The following UBAP2 variants were observed in gnomAD, a reference collection of about 807,000 sequenced individuals.
UBAP2 encodes ubiquitin-associated protein 2.
UBAP2 carries 75 observed loss-of-function variants against 139.6 expected under a neutral mutation model. The observed-to-expected ratio is 0.54, with a 90% CI of 0.45 to 0.65. The LOEUF is 0.65. UBAP2 is among the 30% of genes least tolerant of loss of function. UBAP2 has a pLI of 0.00. For synonymous variants in UBAP2, 526 were observed against 526.2 expected, an observed-to-expected ratio of 1.00 and a Z score of 0.01; for missense variants, 1,368 against 1,369.6, an observed-to-expected ratio of 1.00 and a Z score of 0.02.
At chr9:33,976,042 G>A (rs1273665782) in intron 6 of UBAP2, among the ~76,000 whole-genome samples, 1 of 152,064 alleles carries the variant, frequency 6.6e-6, no homozygotes, top group Non-Finnish European at 1.5e-5. Flanking sequence ...AAAGCGAGAT[G>A]CCACCTCTAC....
chr9:34,045,632 A>G (rs1827514831), intron 1 of UBAP2, among the ~76,000 whole-genome samples: 1 of 152,142 alleles, frequency 6.6e-6, no homozygotes, highest in South Asian at 2.1e-4. Context: ...TCCGCCTCCC[A>G]AAGTGCTGGG....
chr9:33,942,518 CAG>C (rs1437779098), intron 15 of UBAP2, among the ~76,000 whole-genome samples: 1 of 151,932 alleles, frequency 6.6e-6, no homozygotes, highest in African/African-American at 2.4e-5. Context: ...CATTGAGCTC[CAG>C]AGTTTGAGGC....
chr9:33,922,839 G>T lies in UBAP2; in HGVS notation c.3112C>A (p.Pro1038Thr). The T allele has an allele frequency of 6.3e-7, 1 of 1,580,962 alleles. No individual in the cohort carries two copies. The highest frequency in any genetic ancestry group is 8.6e-7 in the Non-Finnish European group (1 of 1,161,876). ...KQGFHAGTPPPFSLPSVLGST... is the reference protein window; with the variant it reads ...KQGFHAGTPPTFSLPSVLGST... ...CCCAAGACCGAGGGCAGGCTGAAAG[G>T]TGGAGGCGTCCCTGCATGAAATCCC... Residue 1038 changes from proline (P) to threonine (T), a missense_variant, in exon 28 of 29, where the codon CCT (proline) becomes ACT (threonine). Transcript: ENST00000379238.
At chr9:33,942,879 T>G (rs1825358847) in intron 15 of UBAP2, among the ~76,000 whole-genome samples, 1 of 152,236 alleles carries the variant, frequency 6.6e-6, no homozygotes, top group Non-Finnish European at 1.5e-5. Flanking sequence ...ACAGCCACAG[T>G]GGAAACAGTA....
At chr9:33,989,807 A>C (rs1587621407) in intron 4 of UBAP2, among the ~76,000 whole-genome samples, 1 of 152,254 alleles carries the variant, frequency 6.6e-6, no homozygotes, top group South Asian at 2.1e-4. Flanking sequence ...AAGACCACAA[A>C]ATTACTTAGA....
chr9:33,923,862 T>TA lies in UBAP2; in HGVS notation c.2728dup (p.Tyr910LeufsTer2). On this transcript the variant is annotated frameshift_variant, in exon 24 of 29. Coordinates refer to ENST00000379238, the MANE Select transcript of UBAP2 (RefSeq NM_001370062.2). LOFTEE classifies it high-confidence loss of function. ...GTAGTAGGGAAGACCAGTGTAGCTA[T>TA]AGCCAGGTGGCAGTGCAGGATTCAC... The TA allele has an allele frequency of 1.2e-6, 2 of 1,614,202 alleles. No individual in the cohort carries two copies. The highest frequency in any genetic ancestry group is 1.7e-6 in the Non-Finnish European group (2 of 1,180,028).
chr9:33,922,324 A>T lies in UBAP2; in HGVS notation c.*180T>A. Reference sequence around the variant, plus strand: ...TCCCCCCCAGACTTCTATCACATTTACAAATACATACATAAATACATTACA... The same window carrying T: ...TCCCCCCCAGACTTCTATCACATTTTCAAATACATACATAAATACATTACA... On this transcript the variant is annotated 3_prime_UTR_variant, in exon 29 of 29. Coordinates refer to ENST00000379238, the MANE Select transcript of UBAP2 (RefSeq NM_001370062.2). 1.6e-6 allele frequency: 1 copy of T among 630,134 alleles called. No homozygotes were observed. The highest frequency in any genetic ancestry group is 2.8e-6 in the Non-Finnish European group (1 of 361,266). 39.0% of individuals were successfully genotyped at this position (630,134 alleles called of 1,614,324 possible). A position where few individuals can be genotyped will look rare whatever the true frequency, so the allele number is the denominator to read the frequency against.
chr9:33,998,721 A>G, intron 3 of UBAP2, 66 bp downstream of exon 3: 2 of 1,457,906 alleles, frequency 1.4e-6, no homozygotes, highest in Non-Finnish European at 9.4e-7. Context: ...TCTTTACTGA[A>G]ATTATCTTTT....
intron 2 of UBAP2, among the ~76,000 whole-genome samples, chr9:34,014,324 CAAAAAAAA>C (rs1170182976): frequency 3.6e-4 from 20 of 55,676 alleles, no homozygotes; most frequent in African/African-American, 1.2e-3. Context: ...GAGACTGTCT[CAAAAAAAA>C]AAAAAAAAAA....
intron 4 of UBAP2, among the ~76,000 whole-genome samples, chr9:33,990,637 A>ATTTTTT (rs35851905): frequency 0.56 from 73,573 of 132,160 alleles, 21,494 homozygotes; most frequent in East Asian, 0.76. Context: ...GTACCCCCCA[A>ATTTTTT]TTTTTTTTTT....
At chr9:33,995,391 T>A in intron 4 of UBAP2, 1 of 137,022 alleles carries the variant, frequency 7.3e-6, no homozygotes, top group African/African-American at 2.6e-5. Flanking sequence ...ATATATTAAA[T>A]ATAAATATAT....
At position 34,035,526 on chromosome 9, in the gene UBAP2, TAA is replaced by T. The variant is rs1587695710; in HGVS notation, c.-42+13297_-42+13298del. Among the ~76,000 whole-genome samples, 2 of 77,472 alleles carry T rather than the reference TAA, an allele frequency of 2.6e-5. 1 individual carries two copies. The highest frequency in any genetic ancestry group is 3.2e-4 in the Admixed American group (2 of 6,248). The allele number at this position is 77,472 out of a possible 152,430, so 50.8% of individuals were successfully genotyped here. ...AAAAAAAAAAAAAAATATATATATA[TAA>T]AGATTAGCCAGGTTTGTGGTGGCAC... On this transcript the variant is annotated intron_variant, in intron 1 of 28. Coordinates refer to ENST00000379238, the MANE Select transcript of UBAP2 (RefSeq NM_001370062.2).
chr9:33,922,659 G>C (rs41313969), intron 28 of UBAP2, 28 bp downstream of exon 28: 5 of 1,580,528 alleles, frequency 3.2e-6, no homozygotes, highest in Non-Finnish European at 4.3e-6. Flanking sequence ...GCCCAGAGTA[G>C]GGTGGCTGCC....
chr9:34,034,525 T>C (rs1209290641), intron 1 of UBAP2, among the ~76,000 whole-genome samples: 1 of 152,118 alleles, frequency 6.6e-6, no homozygotes, highest in African/African-American at 2.4e-5. Context: ...CAAAATTCCT[T>C]AATAAAGAAA....
intron 1 of UBAP2, among the ~76,000 whole-genome samples, chr9:34,023,596 A>G (rs2131303713): frequency 6.6e-6 from 1 of 152,306 alleles, no homozygotes. Context: ...ATAAATAATG[A>G]CCCGGTTGCA....
chr9:34,004,610 G>A (rs1365657083), intron 2 of UBAP2, among the ~76,000 whole-genome samples: 2 of 151,270 alleles, frequency 1.3e-5, no homozygotes, highest in South Asian at 2.1e-4. Context: ...GTGAAACCCC[G>A]TCTCTACTAA....
At chr9:33,923,597 TTTC>T in intron 24 of UBAP2, 119 bp from the exon 25 acceptor site, 1 of 1,124,644 alleles carries the variant, frequency 8.9e-7, no homozygotes, top group South Asian at 1.3e-5. Flanking sequence ...GGACCTGTGT[TTTC>T]ATTAGTGCAA....
At chr9:33,933,744 T>C in intron 17 of UBAP2, 116 bp from the exon 18 acceptor site, 2 of 1,416,316 alleles carry the variant, frequency 1.4e-6, no homozygotes, top group Non-Finnish European at 1.9e-6. Flanking sequence ...GAGACGTCCA[T>C]AAAGTTACAT....
rs1391906459 is a variant in UBAP2 at position 33,922,685 on chromosome 9, A to G, written c.3264+2T>C. 6.4e-7 allele frequency: 1 copy of G among 1,555,344 alleles called. No individual in the cohort carries two copies. The highest frequency in any genetic ancestry group is 1.9e-5 in the Admixed American group (1 of 51,986). ...GGTGGCTGCCTCCATCACTGTACTC[A>G]CCTGTGCATCCTGCGGAAGGTGGTG... On this transcript the variant is annotated splice_donor_variant, in intron 28 of 28. Transcript: ENST00000379238. LOFTEE classifies it high-confidence loss of function.
Sources: allele counts gnomAD v4.1 joint callset (sites outside exome capture counted in the v4.1 genomes callset), GRCh38; gene constraint gnomAD v4.1.1; transcripts MANE v1.5; gene names NCBI Gene and HGNC (gene_info 2026-07-23, HGNC 2026-07-21).